FGF14: variants seen among roughly 807,000 people sequenced by gnomAD.
FGF14 encodes the protein fibroblast growth factor 14, also known as fibroblast growth factor homologous factor 4.
A neutral mutation model predicts 25.5 loss-of-function variants in FGF14; 5 were observed. The observed-to-expected ratio is 0.20, with a 90% CI of 0.10 to 0.41. The LOEUF (loss-of-function observed/expected upper bound fraction) is 0.41, where lower values mean the gene tolerates loss of function less well. Ranked by LOEUF, FGF14 falls within the 10% of genes least tolerant of loss-of-function variation. FGF14 has a pLI of 1.00. For missense variants in FGF14, 222 were observed against 320.1 expected (o/e 0.69, Z 2.34); for synonymous variants, 138 against 118.3 (o/e 1.17, Z -1.08).
Position 101,750,366 on chromosome 13 carries a change from C to CA in FGF14, c.409-23557dup, listed in dbSNP as rs113153308. ...ATATTTCACTATACATACAGAATGA[C>CA]AAAAAAAAATGCAGGATGAACTGAC... On this transcript the variant is annotated intron_variant, in intron 3 of 4. Coordinates refer to ENST00000376143, the MANE Select transcript of FGF14 (RefSeq NM_004115.4). Among the ~76,000 whole-genome samples, 479 of 149,790 alleles carry CA rather than the reference C, an allele frequency of 3.2e-3. 2 individuals carry two copies. Among genetic ancestry groups the CA allele is most frequent in the Middle Eastern group, 0.01 (3 of 294 alleles).
At chr13:102,341,408 T>C (rs189241321) in intron 1 of FGF14, among the ~76,000 whole-genome samples, 13 of 152,322 alleles carry the variant, frequency 8.5e-5, no homozygotes, top group Non-Finnish European at 1.8e-4. Context: ...ACCCATTCAT[T>C]CATTCAGCAG....
intron 1 of FGF14, among the ~76,000 whole-genome samples, chr13:101,932,309 C>A (rs764317273): frequency 5.3e-5 from 8 of 151,974 alleles, no homozygotes; most frequent in Non-Finnish European, 1.0e-4. Context: ...GTGGGTGGAT[C>A]ACCTGAGGTC....
intron 1 of FGF14, among the ~76,000 whole-genome samples, chr13:102,034,918 A>G (rs1175159283): frequency 6.6e-6 from 1 of 152,116 alleles, no homozygotes; most frequent in African/African-American, 2.4e-5. Flanking sequence ...CATTTTGCAA[A>G]TGAGGCACCT....
At chr13:102,232,193 G>T (rs1466686590) in intron 1 of FGF14, among the ~76,000 whole-genome samples, 1 of 152,072 alleles carries the variant, frequency 6.6e-6, no homozygotes, top group African/African-American at 2.4e-5. Context: ...CCTAACTACA[G>T]TTAACATTAA....
intron 1 of FGF14, among the ~76,000 whole-genome samples, chr13:102,294,770 T>C (rs920242233): frequency 6.6e-6 from 1 of 152,188 alleles, no homozygotes; most frequent in African/African-American, 2.4e-5. Context: ...ATAGTTAGAC[T>C]GCCATTGTCC....
chr13:101,743,982 C>T (rs888255914), intron 3 of FGF14, among the ~76,000 whole-genome samples: 5 of 151,902 alleles, frequency 3.3e-5, no homozygotes, highest in African/African-American at 1.2e-4. Flanking sequence ...ATAAAAGTTC[C>T]AAAATAAGAG....
At chr13:101,992,502 A>G (rs1347545627) in intron 1 of FGF14, among the ~76,000 whole-genome samples, 2 of 152,182 alleles carry the variant, frequency 1.3e-5, no homozygotes, top group African/African-American at 4.8e-5. Flanking sequence ...CCATTCAGAC[A>G]TGACAGATAA....
chr13:101,823,679 C>G (rs1284365742), intron 3 of FGF14, among the ~76,000 whole-genome samples: 5 of 150,704 alleles, frequency 3.3e-5, no homozygotes, highest in African/African-American at 1.2e-4. Flanking sequence ...TGAGGTGATC[C>G]ACCTGCCTCG....
At chr13:102,226,476 A>G (rs2050831169) in intron 1 of FGF14, among the ~76,000 whole-genome samples, 1 of 152,088 alleles carries the variant, frequency 6.6e-6, no homozygotes, top group South Asian at 2.1e-4. Flanking sequence ...TTCTTATTCT[A>G]TTCAATTTTT....
chr13:102,264,540 G>A (rs890238116), intron 1 of FGF14, among the ~76,000 whole-genome samples: 4 of 81,462 alleles, frequency 4.9e-5, no homozygotes, highest in African/African-American at 7.1e-5. Context: ...GGTCCTATAC[G>A]ATTTGGGGTT....
intron 1 of FGF14, among the ~76,000 whole-genome samples, chr13:102,339,403 T>G (rs977432061): frequency 6.6e-6 from 1 of 152,070 alleles, no homozygotes; most frequent in Non-Finnish European, 1.5e-5. Context: ...ACAAAAGAAT[T>G]TGTATGGAAA....
intron 1 of FGF14, among the ~76,000 whole-genome samples, chr13:102,089,193 A>G (rs1262963635): frequency 6.6e-6 from 1 of 152,200 alleles, no homozygotes; most frequent in African/African-American, 2.4e-5. Flanking sequence ...CGTATATTTT[A>G]TGATCACAAC....
chr13:102,262,911 G>GA (rs1434678901), intron 1 of FGF14: 6 of 346,196 alleles, frequency 1.7e-5, no homozygotes, highest in South Asian at 4.3e-5. Flanking sequence ...GATTCAGAGA[G>GA]AAAAAAATAT....
intron 1 of FGF14, chr13:102,017,057 C>T (rs1484906306): frequency 6.2e-6 from 1 of 161,874 alleles, no homozygotes; most frequent in African/African-American, 2.4e-5. Context: ...AACTAACTAC[C>T]TTCAGACCAG....
In FGF14 at chr13:102,028,004, T is replaced by G. The variant is rs532766656; in HGVS notation, c.209-152708A>C. The stretch of plus-strand genomic sequence containing the variant: ...GGCAGAGTGTGGCCACCTCTGGGTT[T>G]TGATTTGGTGTCCTTTCACTCCACT... On this transcript the variant is annotated intron_variant, in intron 1 of 4. Coordinates refer to the FGF14 transcript ENST00000376131. Among the ~76,000 whole-genome samples, 210 of 152,140 alleles carry G rather than the reference T, an allele frequency of 1.4e-3. 1 individual carries two copies. The highest frequency in any genetic ancestry group is 4.9e-3 in the African/African-American group (202 of 41,546).
chr13:101,757,805 G>C lies in FGF14; in HGVS notation c.409-30995C>G, dbSNP rs569028788. On this transcript the variant is annotated intron_variant, in intron 3 of 4. Transcript: ENST00000376143. ...TACAGATTATTGTATTTAGCCCCAGGAAACTGGGATTAAGAAATTCAAAGA... is the reference window on the plus strand; with the variant it reads ...TACAGATTATTGTATTTAGCCCCAGCAAACTGGGATTAAGAAATTCAAAGA... Among the ~76,000 whole-genome samples, 3 of 152,150 alleles carry C rather than the reference G, an allele frequency of 2.0e-5. No homozygotes were observed. In the South Asian group the frequency reaches 6.2e-4, roughly 32 times the overall value.
In FGF14 at chr13:101,894,386, A is replaced by G. The variant is rs963970618; in HGVS notation, c.194-19090T>C. ...CCACCTGTATAGGCCATAGACATAA[A>G]ATATTAGCAGTAGATAGCATCTCAG... On this transcript the variant is annotated intron_variant, in intron 1 of 4. Transcript: ENST00000376143. Among the ~76,000 whole-genome samples, 3 of 152,094 alleles carry G rather than the reference A, an allele frequency of 2.0e-5. No homozygotes were observed. The South Asian group carries it at 6.2e-4, about 32-fold the overall frequency.
At position 101,989,599 on chromosome 13, in the gene FGF14, G is replaced by T. The variant is rs185778391; in HGVS notation, c.209-114303C>A. On this transcript the variant is annotated intron_variant, in intron 1 of 4. Coordinates refer to the FGF14 transcript ENST00000376131. ...AAGTTTTCATGGACCATGCCATAGA[G>T]CCATGCATATATGTTTTTGTATATG... Among the ~76,000 whole-genome samples the T allele has an allele frequency of 3.7e-3, 568 of 152,160 alleles. 6 individuals are homozygous for T. Among genetic ancestry groups the T allele is most frequent in the African/African-American group, 0.013 (536 of 41,542 alleles).
intron 1 of FGF14, among the ~76,000 whole-genome samples, chr13:101,946,542 G>T (rs1341845076): frequency 2.0e-5 from 3 of 152,100 alleles, no homozygotes; most frequent in African/African-American, 4.8e-5. Context: ...GTTCCACTAT[G>T]TTCTCAAATA....
Sources: gnomAD v4.1 joint callset for allele counts (sites outside exome capture counted in the v4.1 genomes callset) on GRCh38, gnomAD v4.1.1 for gene constraint, MANE v1.5 for transcripts, NCBI Gene and HGNC (gene_info 2026-07-23, HGNC 2026-07-21) for gene names.